SND1: variants seen among roughly 807,000 people sequenced by gnomAD.
The protein encoded by SND1 is staphylococcal nuclease and tudor domain containing 1, also known as staphylococcal nuclease domain-containing protein 1.
A neutral mutation model predicts 121.7 loss-of-function variants in SND1; 38 were observed. That is an observed-to-expected ratio of 0.31 (90% confidence interval 0.24 to 0.41). The LOEUF (loss-of-function observed/expected upper bound fraction) is 0.41, where lower values mean the gene tolerates loss of function less well. SND1 is among the 10% of genes least tolerant of loss of function. The probability of loss-of-function intolerance (pLI) is 1.00; values close to 1 mark genes in which losing one functional copy is unlikely to be tolerated. For missense variants in SND1, 868 were observed against 1,184.6 expected (o/e 0.73, Z 3.92); for synonymous variants, 401 against 447.4 (o/e 0.90, Z 1.31).
chr7:127,916,821 G>A (rs993667556), intron 14 of SND1, among the ~76,000 whole-genome samples: 1 of 152,158 alleles, frequency 6.6e-6, no homozygotes, highest in African/African-American at 2.4e-5. Flanking sequence ...AAGGAAAGCA[G>A]GGGGGCAGCA....
intron 16 of SND1, among the ~76,000 whole-genome samples, chr7:128,021,994 G>A (rs1047064284): frequency 4.6e-5 from 7 of 151,860 alleles, no homozygotes; most frequent in Non-Finnish European, 8.8e-5. Context: ...GCCTGAGGTC[G>A]GGAGTTTCAG....
At chr7:127,918,756 T>C (rs1800639985) in intron 14 of SND1, among the ~76,000 whole-genome samples, 3 of 152,156 alleles carry the variant, frequency 2.0e-5, no homozygotes, top group Non-Finnish European at 4.4e-5. Context: ...CTCATAAACA[T>C]TTGTTCCTTC....
rs530376585 is a variant in SND1 at position 127,907,120 on chromosome 7, C to T, written c.1527+2301C>T. Among the ~76,000 whole-genome samples, 106 of 152,276 alleles carry T rather than the reference C, an allele frequency of 7.0e-4. 5 individuals are homozygous for T. The South Asian group carries it at 0.016, about 23-fold the overall frequency. On this transcript the variant is annotated intron_variant, in intron 14 of 23. Coordinates refer to ENST00000354725, the MANE Select transcript of SND1 (RefSeq NM_014390.4). ...GGAGACTGAAAGTGAAAAAGCTGCT[C>T]GATTTAAATGGATGTCAGATATGAC...
At chr7:127,738,525 G>A (rs559570165) in intron 10 of SND1, among the ~76,000 whole-genome samples, 8 of 151,912 alleles carry the variant, frequency 5.3e-5, no homozygotes, top group South Asian at 4.2e-4. Context: ...GTGATCCACC[G>A]GCCTCAGACT....
chr7:128,071,829 C>A (rs560337974), intron 16 of SND1, among the ~76,000 whole-genome samples: 1 of 152,366 alleles, frequency 6.6e-6, no homozygotes, highest in Non-Finnish European at 1.5e-5. Context: ...CCATGGGCGA[C>A]AGCTTTATCG....
At chr7:127,736,451 C>A (rs1796777627) in intron 10 of SND1, among the ~76,000 whole-genome samples, 1 of 152,130 alleles carries the variant, frequency 6.6e-6, no homozygotes, top group South Asian at 2.1e-4. Context: ...ATAATTTAAC[C>A]AGCTTTCACC....
intron 10 of SND1, among the ~76,000 whole-genome samples, chr7:127,740,252 A>G (rs943142786): frequency 6.6e-6 from 1 of 152,098 alleles, no homozygotes; most frequent in Non-Finnish European, 1.5e-5. Flanking sequence ...TCTTTTATTC[A>G]TTAGGCATCT....
At chr7:127,695,212 T>C (rs570691864) in intron 3 of SND1, among the ~76,000 whole-genome samples, 11 of 152,332 alleles carry the variant, frequency 7.2e-5, no homozygotes, top group African/African-American at 2.6e-4. Flanking sequence ...TTCCTCATGT[T>C]TAGGCCATTC....
Position 127,703,203 on chromosome 7 carries a change from T to A in SND1, c.720T>A (p.Thr240=). 6 of 1,614,112 alleles carry A rather than the reference T, an allele frequency of 3.7e-6. No individual in the cohort carries two copies. Among genetic ancestry groups the A allele is most frequent in the South Asian group, 3.3e-5 (3 of 91,088 alleles). The change falls in exon 7 of 24, where the codon ACT becomes ACA. Residue 240 remains threonine (T), a synonymous_variant. Coordinates refer to ENST00000354725, the MANE Select transcript of SND1 (RefSeq NM_014390.4). ...GACGGGAAGCAGATGGCAGTGAAAC[T>A]CCAGAGCCTTTTGCTGCAGAAGCCA... ...TFRREADGSE[T]PEPFAAEAKF...
chr7:127,967,784 T>C (rs1801889523), intron 15 of SND1, among the ~76,000 whole-genome samples: 1 of 152,256 alleles, frequency 6.6e-6, no homozygotes, highest in African/African-American at 2.4e-5. Context: ...AAGAGATATC[T>C]GTTGACGTTG....
chr7:127,890,320 T>C (rs1799986610), intron 13 of SND1, among the ~76,000 whole-genome samples: 1 of 152,164 alleles, frequency 6.6e-6, no homozygotes, highest in Non-Finnish European at 1.5e-5. Flanking sequence ...CCTTTTTATG[T>C]CTTCTTTTGA....
At chr7:127,732,154 T>A (rs1796689419) in intron 10 of SND1, among the ~76,000 whole-genome samples, 1 of 152,236 alleles carries the variant, frequency 6.6e-6, no homozygotes, top group African/African-American at 2.4e-5. Flanking sequence ...AAGTTTTGTT[T>A]GTTTCTTTGT....
chr7:127,842,380 A>G (rs372997502), intron 11 of SND1, among the ~76,000 whole-genome samples: 2 of 152,222 alleles, frequency 1.3e-5, no homozygotes, highest in African/African-American at 4.8e-5. Context: ...TACTATGTTT[A>G]TCTTCAAAGT....
chr7:128,016,352 T>C (rs1803225187), intron 16 of SND1, among the ~76,000 whole-genome samples: 1 of 152,074 alleles, frequency 6.6e-6, no homozygotes, highest in Non-Finnish European at 1.5e-5. Context: ...ACTTGGGGTG[T>C]TTTCTTCAGG....
chr7:127,744,970 A>C (rs1796951784), intron 10 of SND1, among the ~76,000 whole-genome samples: 1 of 152,238 alleles, frequency 6.6e-6, no homozygotes, highest in African/African-American at 2.4e-5. Flanking sequence ...TTTCCCTTTT[A>C]AAACTTCTGT....
intron 10 of SND1, among the ~76,000 whole-genome samples, chr7:127,731,715 A>T (rs990093653): frequency 6.6e-6 from 1 of 152,220 alleles, no homozygotes; most frequent in Non-Finnish European, 1.5e-5. Flanking sequence ...AAGCTCCTCC[A>T]GTGAGAAGCC....
At chr7:127,948,639 G>T (rs1240855884) in intron 15 of SND1, among the ~76,000 whole-genome samples, 2 of 152,132 alleles carry the variant, frequency 1.3e-5, no homozygotes, top group African/African-American at 4.8e-5. Flanking sequence ...GAGCAATTAG[G>T]GCCCTAATGA....
chr7:127,985,710 T>A (rs1389078109), intron 15 of SND1, among the ~76,000 whole-genome samples: 1 of 152,224 alleles, frequency 6.6e-6, no homozygotes, highest in African/African-American at 2.4e-5. Context: ...AATCCTCATC[T>A]TCCACAACAA....
chr7:127,828,273 G>C (rs983234072), intron 11 of SND1, among the ~76,000 whole-genome samples: 1 of 151,904 alleles, frequency 6.6e-6, no homozygotes, highest in African/African-American at 2.4e-5. Context: ...CTGGGATTAC[G>C]GGTGTGAGCC....
Sources: gnomAD v4.1 joint callset for allele counts (sites outside exome capture counted in the v4.1 genomes callset) on GRCh38, gnomAD v4.1.1 for gene constraint, MANE v1.5 for transcripts, NCBI Gene and HGNC (gene_info 2026-07-23, HGNC 2026-07-21) for gene names.